SLC25A18: variants seen among roughly 807,000 people sequenced by gnomAD.
SLC25A18 encodes mitochondrial glutamate carrier 2.
Under a neutral mutation model 31.1 loss-of-function variants are expected in SLC25A18, and 24 were observed. That is an observed-to-expected ratio of 0.77 (90% CI 0.56 to 1.08). SLC25A18 has a LOEUF of 1.08. Among genes scored for constraint, SLC25A18 ranks in the 50% least tolerant of loss-of-function variants. The pLI, the probability that SLC25A18 is intolerant of heterozygous loss-of-function variation, is 0.00. For synonymous variants in SLC25A18, 173 were observed against 161.9 expected, an observed-to-expected ratio of 1.07 and a Z score of -0.52; for missense variants, 371 against 418.5, an observed-to-expected ratio of 0.89 and a Z score of 0.99.
intron 7 of SLC25A18, 142 bp from the exon 8 acceptor site, chr22:17,586,993 AT>A (rs2057568301): frequency 6.4e-6 from 6 of 933,700 alleles, no homozygotes; most frequent in Non-Finnish European, 9.7e-6. Context: ...ACATTCTAAA[AT>A]TAGGACATTC....
chr22:17,568,071 C>T (rs1233583678), intron 1 of SLC25A18, among the ~76,000 whole-genome samples: 2 of 151,734 alleles, frequency 1.3e-5, no homozygotes, highest in Non-Finnish European at 2.9e-5. Flanking sequence ...GAGGCAAAGG[C>T]AGAGGAGAAT....
At chr22:17,564,846 G>C (rs1370887555) in intron 1 of SLC25A18, among the ~76,000 whole-genome samples, 3 of 67,164 alleles carry the variant, frequency 4.5e-5, no homozygotes, top group Non-Finnish European at 9.9e-5. Flanking sequence ...GACAGAGCAA[G>C]ACTCTGTCTC....
Position 17,581,404 on chromosome 22 carries a change from A to T in SLC25A18, c.190A>T (p.Met64Leu). The stretch of plus-strand genomic sequence containing the variant: ...GGCTCGGGCGGAGGGCTTCTTCGGC[A>T]TGTACCGAGGTGGGCTTCTCAGGTC... ...KTARAEGFFG[M>L]YRGAAVNLTL... The change falls in exon 5 of 11, where the codon ATG becomes TTG. Residue 64 changes from methionine to leucine, a missense_variant. Met to Leu is a conservative substitution (Grantham distance 15). Coordinates refer to ENST00000327451, the MANE Select transcript of SLC25A18 (RefSeq NM_031481.3). 1 of 1,614,018 alleles carries T rather than the reference A, an allele frequency of 6.2e-7. No homozygotes were observed. The highest frequency in any genetic ancestry group is 8.5e-7 in the Non-Finnish European group (1 of 1,180,002).
At chr22:17,589,480 A>G in intron 9 of SLC25A18, 110 bp from the exon 10 acceptor site, 1 of 926,952 alleles carries the variant, frequency 1.1e-6, no homozygotes, top group South Asian at 1.5e-5. Flanking sequence ...CCGGCCTATG[A>G]GTCAGTTTTA....
In SLC25A18 at chr22:17,568,706, C is replaced by T. The variant is rs961127537; in HGVS notation, c.-263-1218C>T. Among the ~76,000 whole-genome samples, 5 of 151,066 alleles carry T rather than the reference C, an allele frequency of 3.3e-5. No homozygotes were observed. In the South Asian group the frequency reaches 6.3e-4, roughly 19 times the overall value. On this transcript the variant is annotated intron_variant, in intron 1 of 10. Coordinates refer to ENST00000327451, the MANE Select transcript of SLC25A18 (RefSeq NM_031481.3). Reference sequence around the variant, plus strand: ...CCTCCCGAGTAGCTGGGACTACACGCGCCTGCCACCACGCCTGACTAATTT... The same window carrying T: ...CCTCCCGAGTAGCTGGGACTACACGTGCCTGCCACCACGCCTGACTAATTT...
chr22:17,573,489 C>G (rs963009059), intron 2 of SLC25A18, among the ~76,000 whole-genome samples: 3 of 152,132 alleles, frequency 2.0e-5, no homozygotes, highest in African/African-American at 7.2e-5. Context: ...TGGAAATACT[C>G]CTGGAAATGG....
At chr22:17,583,363 C>T in intron 6 of SLC25A18, 53 bp from the exon 7 acceptor site, 1 of 1,606,856 alleles carries the variant, frequency 6.2e-7, no homozygotes, top group Non-Finnish European at 8.5e-7. Context: ...GGCAGCTGCA[C>T]CAGGGCAGGC....
In SLC25A18 at chr22:17,584,448, A is replaced by G. The variant is rs547922529; in HGVS notation, c.409+914A>G. Among the ~76,000 whole-genome samples, 155 of 116,810 alleles carry G rather than the reference A, an allele frequency of 1.3e-3. 1 individual carries two copies. The highest frequency in any genetic ancestry group is 5.6e-3 in the African/African-American group (149 of 26,774). 76.6% of individuals were successfully genotyped at this position (116,810 alleles called of 152,430 possible). On this transcript the variant is annotated intron_variant, in intron 7 of 10. Coordinates refer to ENST00000327451, the MANE Select transcript of SLC25A18 (RefSeq NM_031481.3). ...GAAGGAAGGAAGGAAGGAAGGAAGG[A>G]GAGAGAGAGAGAGAGAGAGAGAGAA...
At chr22:17,580,036 T>A in intron 3 of SLC25A18, 72 bp downstream of exon 3, 3 of 1,475,108 alleles carry the variant, frequency 2.0e-6, no homozygotes, top group Non-Finnish European at 2.8e-6. Flanking sequence ...TGATAGCACA[T>A]CCAGGTTTCT....
Position 17,587,366 on chromosome 22 carries a change from G to A in SLC25A18, c.575+65G>A, listed in dbSNP as rs1180738670. On this transcript the variant is annotated intron_variant, in intron 8 of 10. Transcript: ENST00000327451. ...GGAGGGCACGAGGGCCAGAGAGCTG[G>A]TTGTCCCTATCTGCCTCTGTGTCCT... The A allele has an allele frequency of 7.2e-6, 11 of 1,528,952 alleles. No individual in the cohort carries two copies. In the African/African-American group the frequency reaches 8.3e-5, roughly 12 times the overall value. The allele number at this position is 1,528,952 out of a possible 1,614,324, so 94.7% of individuals were successfully genotyped here. A position where few individuals can be genotyped will look rare whatever the true frequency, so the allele number is the denominator to read the frequency against.
Position 17,579,878 on chromosome 22 carries a change from C to G in SLC25A18, c.-67C>G. 1.3e-6 allele frequency: 2 copies of G among 1,572,380 alleles called. No homozygotes were observed. The highest frequency in any genetic ancestry group is 3.7e-5 in the Admixed American group (2 of 53,672). ...GGAAGCTTCCACTTCTTCCCCCAGA[C>G]AGCCCCAACAGCGGCTACCCCAAGG... On this transcript the variant is annotated 5_prime_UTR_variant, in exon 3 of 11. Transcript: ENST00000327451.
intron 1 of SLC25A18, among the ~76,000 whole-genome samples, chr22:17,565,300 C>T (rs2056907080): frequency 6.6e-6 from 1 of 151,992 alleles, no homozygotes; most frequent in South Asian, 2.1e-4. Context: ...CCAGGATGGT[C>T]TCGATCTCCT....
chr22:17,584,572 G>A (rs1315794524), intron 7 of SLC25A18, among the ~76,000 whole-genome samples: 1 of 150,396 alleles, frequency 6.6e-6, no homozygotes, highest in Non-Finnish European at 1.5e-5. Context: ...CTGAGGTCAG[G>A]GGTTCAAGAC....
Position 17,581,147 on chromosome 22 carries a change from T to C in SLC25A18, c.131T>C (p.Met44Thr). 3 of 1,598,310 alleles carry C rather than the reference T, an allele frequency of 1.9e-6. No homozygotes were observed. Among genetic ancestry groups the C allele is most frequent in the Non-Finnish European group, 1.7e-6 (2 of 1,172,132 alleles). The change falls in exon 4 of 11, where the codon ATG becomes ACG. Residue 44 changes from methionine (M) to threonine (T), a missense_variant. Physicochemically the swap from Met to Thr is moderately conservative, Grantham distance 81. Coordinates refer to ENST00000327451, the MANE Select transcript of SLC25A18 (RefSeq NM_031481.3). Reference sequence around the variant, plus strand: ...CTGCAGAACCAGCATGGGAAAGCCATGTACAAAGGAATGTAGGTGCTGGCA... The same window carrying C: ...CTGCAGAACCAGCATGGGAAAGCCACGTACAAAGGAATGTAGGTGCTGGCA... ...TRLQNQHGKA[M>T]YKGMIDCLMK...
intron 2 of SLC25A18, among the ~76,000 whole-genome samples, chr22:17,575,870 G>A (rs2057217788): frequency 6.6e-6 from 1 of 152,208 alleles, no homozygotes; most frequent in African/African-American, 2.4e-5. Flanking sequence ...GTGACACAAT[G>A]TCATGGCCAG....
Position 17,587,928 on chromosome 22 carries a change from C to T in SLC25A18, c.579C>T (p.Asp193=), listed in dbSNP as rs775624277. 3.1e-6 allele frequency: 5 copies of T among 1,614,142 alleles called. 1 individual carries two copies. The South Asian group carries it at 4.4e-5, about 14-fold the overall frequency. The change falls in exon 9 of 11, where the codon GAC becomes GAT. Residue 193 remains aspartate, a synonymous_variant. Transcript: ENST00000327451. ...GTTTCTCCTTCCTCTTCTGCAGAGA[C>T]ATTCCTTTCTCCATCATCTACTTCC... ...YRGLGATLLR[D]IPFSIIYFPL...
chr22:17,587,198 G>A lies in SLC25A18; in HGVS notation c.472G>A (p.Ala158Thr), dbSNP rs141519422. Residue 158 changes from alanine to threonine, a missense_variant, in exon 8 of 11, where the codon GCT (alanine) becomes ACT (threonine). Transcript: ENST00000327451. The stretch of plus-strand genomic sequence containing the variant: ...CTCCAGGTCCTACACAACTGGTTCG[G>A]CTTCCACCCACAGGCGCCCCTCTGC... Reference protein sequence around the residue: ...STSRSYTTGSASTHRRPSATL... With the variant: ...STSRSYTTGSTSTHRRPSATL... 36 of 1,614,010 alleles carry A rather than the reference G, an allele frequency of 2.2e-5. No homozygotes were observed. The highest frequency in any genetic ancestry group is 2.7e-5 in the African/African-American group (2 of 74,932).
chr22:17,564,318 C>T (rs1164016118), intron 1 of SLC25A18, among the ~76,000 whole-genome samples: 2 of 152,164 alleles, frequency 1.3e-5, no homozygotes, highest in East Asian at 1.9e-4. Context: ...CATCTGGGAA[C>T]TTGCTGGAAA....
intron 3 of SLC25A18, chr22:17,580,291 A>G: frequency 3.6e-6 from 1 of 278,080 alleles, no homozygotes; most frequent in Non-Finnish European, 6.6e-6. Flanking sequence ...ACTTCCAGGT[A>G]AATCCATCTC....
Sources: gnomAD v4.1 joint callset for allele counts (sites outside exome capture counted in the v4.1 genomes callset) on GRCh38, gnomAD v4.1.1 for gene constraint, MANE v1.5 for transcripts, NCBI Gene and HGNC (gene_info 2026-07-23, HGNC 2026-07-21) for gene names.